Variants in GLTP observed in about 807,000 individuals in gnomAD.
The protein encoded by GLTP is glycolipid transfer protein.
In GLTP, 22 loss-of-function variants were observed where a neutral mutation model predicts 24.0. The ratio of observed to expected loss-of-function variants is 0.92; its 90% confidence interval spans 0.65 to 1.31. GLTP has a LOEUF of 1.31. Ranked by LOEUF, GLTP falls within the 50% of genes most tolerant of loss-of-function variation. The probability of loss-of-function intolerance (pLI) is 0.00; values close to 1 mark genes in which losing one functional copy is unlikely to be tolerated. For synonymous variants in GLTP, 92 were observed against 115.9 expected, an observed-to-expected ratio of 0.79 and a Z score of 1.33; for missense variants, 224 against 276.6, an observed-to-expected ratio of 0.81 and a Z score of 1.35.
chr12:109,879,259 C>T (rs2136051663), intron 1 of GLTP, among the ~76,000 whole-genome samples: 1 of 152,292 alleles, frequency 6.6e-6, no homozygotes, highest in Non-Finnish European at 1.5e-5. Context: ...CCTGCAAGGC[C>T]ACCAAGTGAA....
chr12:109,876,679 G>A, intron 1 of GLTP, among the ~76,000 whole-genome samples: 1 of 150,394 alleles, frequency 6.6e-6, no homozygotes. Flanking sequence ...AAGGAAGGAA[G>A]GAAAAGGAAG....
At chr12:109,852,890 G>T (rs1892745450) in intron 4 of GLTP, among the ~76,000 whole-genome samples, 153 bp from the exon 5 acceptor site, 1 of 152,080 alleles carries the variant, frequency 6.6e-6, no homozygotes, top group African/African-American at 2.4e-5. Flanking sequence ...GAAAAGGGAG[G>T]TGTATTTTGA....
intron 1 of GLTP, among the ~76,000 whole-genome samples, chr12:109,876,637 AAAG>A (rs912355733): frequency 4.7e-4 from 70 of 150,044 alleles, no homozygotes; most frequent in Non-Finnish European, 8.9e-5. Context: ...GGAGGGAAGA[AAAG>A]AAAGAAGGAA....
chr12:109,876,717 G>A (rs1041656130), intron 1 of GLTP, among the ~76,000 whole-genome samples: 1 of 151,726 alleles, frequency 6.6e-6, no homozygotes, highest in Non-Finnish European at 1.5e-5. Flanking sequence ...GAAAAGGACT[G>A]ACATGAAAAG....
Position 109,855,972 on chromosome 12 carries a change from C to T in GLTP, c.297-203G>A, listed in dbSNP as rs1051824100. 6.6e-6 allele frequency among the ~76,000 whole-genome samples: 1 copy of T among 152,138 alleles called. No homozygotes were observed. Among genetic ancestry groups the T allele is most frequent in the South Asian group, 2.1e-4 (1 of 4,832 alleles). On this transcript the variant is annotated intron_variant, in intron 3 of 4. Transcript: ENST00000318348. The surrounding 1 kb of genome is among the most constrained non-coding windows in gnomAD (Gnocchi z 4.1). ...ATTGACTATCTCCCGAGCACCTTCT[C>T]TCCTCCAGGCCTGGTGCTGGCCCAT...
chr12:109,870,717 C>T (rs1224375887), intron 1 of GLTP, among the ~76,000 whole-genome samples: 2 of 152,058 alleles, frequency 1.3e-5, no homozygotes, highest in Non-Finnish European at 2.9e-5. Context: ...GAAATCTCCC[C>T]ATCATAAAAT....
At chr12:109,876,798 G>C (rs1379360996) in intron 1 of GLTP, among the ~76,000 whole-genome samples, 4 of 152,016 alleles carry the variant, frequency 2.6e-5, no homozygotes, top group Non-Finnish European at 4.4e-5. Context: ...TTTGAGACAG[G>C]GTCTCACTCT....
At position 109,880,350 on chromosome 12, in the gene GLTP, G is replaced by C. The variant is rs761951056; in HGVS notation, c.25C>G (p.Leu9Val). 1.9e-6 allele frequency: 3 copies of C among 1,595,488 alleles called. No homozygotes were observed. The South Asian group carries it at 3.3e-5, about 18-fold the overall frequency. ...TGCTTGTCCGCGGGCAGCGGCTTCA[G>C]CAAGTGTTCGGCCAGCAGCGCCATT... MALLAEHL[L>V]KPLPADKQIE... The change falls in exon 1 of 5, where the codon CTG (leucine) becomes GTG (valine). Residue 9 changes from leucine (L) to valine (V), a missense_variant. By Grantham distance (32) the Leu-to-Val change is conservative. Transcript: ENST00000318348. The surrounding 1 kb of genome is among the most constrained non-coding windows in gnomAD (Gnocchi z 5.1).
Position 109,852,235 on chromosome 12 carries a change from C to A in GLTP, c.*320G>T. 1 of 202,978 alleles carries A rather than the reference C, an allele frequency of 4.9e-6. No individual in the cohort carries two copies. The highest frequency in any genetic ancestry group is 9.9e-6 in the Non-Finnish European group (1 of 101,046). 12.6% of individuals were successfully genotyped at this position (202,978 alleles called of 1,614,324 possible). A position where few individuals can be genotyped will look rare whatever the true frequency, so the allele number is the denominator to read the frequency against. ...TTGGCAACAAAACAAAACCAAAAAA[C>A]CCTAGGACTTGACTCATTAGAAGTG... On this transcript the variant is annotated 3_prime_UTR_variant, in exon 5 of 5. Transcript: ENST00000318348.
intron 1 of GLTP, among the ~76,000 whole-genome samples, chr12:109,864,024 G>A (rs1223803638): frequency 2.0e-5 from 3 of 152,214 alleles, no homozygotes; most frequent in South Asian, 4.1e-4. Flanking sequence ...CATGAGCTAC[G>A]AGGGTCACGA....
intron 3 of GLTP, among the ~76,000 whole-genome samples, chr12:109,856,953 G>T (rs1892805286): frequency 6.6e-6 from 1 of 152,152 alleles, no homozygotes; most frequent in Admixed American, 6.5e-5. Context: ...AGAATTGCTT[G>T]AACTTAGGAG....
chr12:109,880,384 G>A lies in GLTP; in HGVS notation c.-10C>T. ...CGGCCAGCAGCGCCATTTCGGGGTC[G>A]AGGCCCGCGGTGATGCCCCAGCCGG... On this transcript the variant is annotated 5_prime_UTR_variant, in exon 1 of 5. Coordinates refer to ENST00000318348, the MANE Select transcript of GLTP (RefSeq NM_016433.4). The surrounding 1 kb of genome is among the most constrained non-coding windows in gnomAD (Gnocchi z 5.1). 7 of 1,532,922 alleles carry A rather than the reference G, an allele frequency of 4.6e-6. No homozygotes were observed. The highest frequency in any genetic ancestry group is 6.2e-6 in the Non-Finnish European group (7 of 1,135,126). 95.0% of individuals were successfully genotyped at this position (1,532,922 alleles called of 1,614,324 possible).
chr12:109,858,747 G>T lies in GLTP; in HGVS notation c.104-6C>A. ...CACTGGGGACCCAAGGCAATCTGGG[G>T]ACAAAATGAGAAGACAGATTGAGAT... On this transcript the variant is annotated splice_region_variant and splice_polypyrimidine_tract_variant and intron_variant, in intron 1 of 4. Coordinates refer to ENST00000318348, the MANE Select transcript of GLTP (RefSeq NM_016433.4). 1 of 1,595,842 alleles carries T rather than the reference G, an allele frequency of 6.3e-7. No homozygotes were observed. The highest frequency in any genetic ancestry group is 8.6e-7 in the Non-Finnish European group (1 of 1,163,414).
chr12:109,854,222 T>C (rs1327582523), intron 4 of GLTP, among the ~76,000 whole-genome samples: 1 of 151,502 alleles, frequency 6.6e-6, no homozygotes, highest in Admixed American at 6.6e-5. Flanking sequence ...AGCTAGGTGT[T>C]GGTGGCTCGC....
chr12:109,861,997 A>C (rs922412354), intron 1 of GLTP, among the ~76,000 whole-genome samples: 1 of 152,056 alleles, frequency 6.6e-6, no homozygotes, highest in South Asian at 2.1e-4. Flanking sequence ...TGGGGCTGCC[A>C]CCTTGACCTG....
chr12:109,873,047 C>G (rs952802069), intron 1 of GLTP, among the ~76,000 whole-genome samples: 1 of 152,120 alleles, frequency 6.6e-6, no homozygotes, highest in Non-Finnish European at 1.5e-5. Flanking sequence ...GTTTTTAGCT[C>G]CTCAGCTATC....
chr12:109,876,719 C>G (rs367943213), intron 1 of GLTP, among the ~76,000 whole-genome samples: 8 of 151,592 alleles, frequency 5.3e-5, no homozygotes, highest in East Asian at 3.9e-4. Flanking sequence ...AAAGGACTGA[C>G]ATGAAAAGAT....
chr12:109,853,763 A>C (rs1430506795), intron 4 of GLTP, among the ~76,000 whole-genome samples: 1 of 151,194 alleles, frequency 6.6e-6, no homozygotes, highest in Admixed American at 6.6e-5. Context: ...AAATTTTTTT[A>C]GACATAGTCT....
intron 1 of GLTP, among the ~76,000 whole-genome samples, chr12:109,879,935 T>G (rs1182628758): frequency 6.6e-6 from 1 of 150,698 alleles, no homozygotes; most frequent in South Asian, 2.1e-4. Flanking sequence ...GGGGAGATGG[T>G]GGATTACAGA....
Sources: gnomAD v4.1 joint callset for allele counts (sites outside exome capture counted in the v4.1 genomes callset) on GRCh38, gnomAD v4.1.1 for gene constraint, Gnocchi (gnomAD v3.1) non-coding constraint, MANE v1.5 for transcripts, NCBI Gene and HGNC (gene_info 2026-07-23, HGNC 2026-07-21) for gene names.